The following MMP16 variants were observed in gnomAD, a reference collection of about 807,000 sequenced individuals.
MMP16 encodes matrix metallopeptidase 16, also known as matrix metalloproteinase-16.
Under a neutral mutation model 67.8 loss-of-function variants are expected in MMP16, and 12 were observed. The observed-to-expected ratio is 0.18, with a 90% CI of 0.11 to 0.29. The LOEUF is 0.29. Among genes scored for constraint, MMP16 ranks in the 10% least tolerant of loss-of-function variants. The probability of loss-of-function intolerance (pLI) is 1.00; values close to 1 mark genes in which losing one functional copy is unlikely to be tolerated. For missense variants in MMP16, 475 were observed against 765.7 expected, an observed-to-expected ratio of 0.62 and a Z score of 4.48; for synonymous variants, 249 against 255.9, an observed-to-expected ratio of 0.97 and a Z score of 0.26.
intron 7 of MMP16, among the ~76,000 whole-genome samples, chr8:88,064,162 A>C (rs943148911): frequency 6.6e-6 from 1 of 152,094 alleles, no homozygotes; most frequent in African/African-American, 2.4e-5. Context: ...TTCAGTAGTT[A>C]ATGACAGAGT....
At chr8:88,209,694 G>A (rs146214940) in intron 1 of MMP16, among the ~76,000 whole-genome samples, 1,623 of 132,838 alleles carry the variant, frequency 0.012, 15 homozygotes, top group Non-Finnish European at 0.014. Flanking sequence ...TATGTAACTC[G>A]TATAAGTAGA....
At chr8:88,149,974 G>C (rs1808374488) in intron 4 of MMP16, among the ~76,000 whole-genome samples, 1 of 96,158 alleles carries the variant, frequency 1.0e-5, no homozygotes, top group Non-Finnish European at 2.1e-5. Context: ...AAAAAATTTA[G>C]AAGAATGTAT....
chr8:88,088,720 G>A (rs1438724871), intron 6 of MMP16, among the ~76,000 whole-genome samples: 1 of 152,002 alleles, frequency 6.6e-6, no homozygotes, highest in Non-Finnish European at 1.5e-5. Flanking sequence ...GAGTTCAAAA[G>A]GTAACTGCCC....
At chr8:88,103,132 T>C (rs976912999) in intron 6 of MMP16, among the ~76,000 whole-genome samples, 28 of 151,882 alleles carry the variant, frequency 1.8e-4, no homozygotes, top group African/African-American at 6.5e-4. Flanking sequence ...CCTTTCCCAG[T>C]GCACCATATC....
intron 1 of MMP16, among the ~76,000 whole-genome samples, chr8:88,294,524 ATAT>A (rs1436699976): frequency 2.6e-5 from 4 of 151,048 alleles, no homozygotes; most frequent in Non-Finnish European, 4.4e-5. Context: ...ACACACATGT[ATAT>A]GTCTCTATAC....
At chr8:88,290,349 G>A (rs549123238) in intron 1 of MMP16, among the ~76,000 whole-genome samples, 155 of 152,048 alleles carry the variant, frequency 1.0e-3, no homozygotes, top group Non-Finnish European at 1.8e-3. Context: ...TCAGGAGGTC[G>A]AGGCCATCCT....
intron 7 of MMP16, among the ~76,000 whole-genome samples, chr8:88,067,347 GTCA>G (rs1475255436): frequency 1.3e-5 from 2 of 151,986 alleles, no homozygotes; most frequent in Non-Finnish European, 2.9e-5. Flanking sequence ...TACTACCTAT[GTCA>G]TCAGTATATT....
At chr8:88,226,997 TTTC>T (rs1196148951) in intron 1 of MMP16, among the ~76,000 whole-genome samples, 14 of 152,058 alleles carry the variant, frequency 9.2e-5, no homozygotes, top group African/African-American at 1.4e-4. Flanking sequence ...CTGGATATTG[TTTC>T]TTCTTCTTCT....
intron 1 of MMP16, among the ~76,000 whole-genome samples, chr8:88,290,387 C>A (rs1230144036): frequency 2.0e-5 from 3 of 151,950 alleles, no homozygotes; most frequent in Non-Finnish European, 4.4e-5. Flanking sequence ...CCCGTCTCTA[C>A]TAAAAAATAC....
At chr8:88,325,423 CACTT>C (rs937250460) in intron 1 of MMP16, among the ~76,000 whole-genome samples, 4 of 152,072 alleles carry the variant, frequency 2.6e-5, no homozygotes, top group African/African-American at 9.7e-5. Flanking sequence ...CACAACCTTG[CACTT>C]ACTTTTACCA....
In MMP16 at chr8:88,089,997, T is replaced by C. The variant is rs1162155776; in HGVS notation, c.1084-15254A>G. ...ATAACAGTGAAAAGTTCAAATGTAATTGAGAATATGTAATTTTCCCTGTAT... is the reference window on the plus strand; with the variant it reads ...ATAACAGTGAAAAGTTCAAATGTAACTGAGAATATGTAATTTTCCCTGTAT... On this transcript the variant is annotated intron_variant, in intron 6 of 9. Transcript: ENST00000286614. Among the ~76,000 whole-genome samples the C allele has an allele frequency of 2.6e-5, 4 of 152,004 alleles. No individual in the cohort carries two copies. In the South Asian group the frequency reaches 6.2e-4, roughly 24 times the overall value.
chr8:88,246,489 GT>G (rs1440858582), intron 1 of MMP16, among the ~76,000 whole-genome samples: 3 of 152,126 alleles, frequency 2.0e-5, no homozygotes, highest in Non-Finnish European at 2.9e-5. Context: ...TATTAAGATG[GT>G]TGAAAAGATG....
At chr8:88,051,014 A>G (rs1808263675) in intron 8 of MMP16, among the ~76,000 whole-genome samples, 1 of 152,206 alleles carries the variant, frequency 6.6e-6, no homozygotes, top group Admixed American at 6.5e-5. Context: ...AGATAATGCA[A>G]AACAATAATT....
chr8:88,164,961 G>C (rs2129693448), intron 4 of MMP16, among the ~76,000 whole-genome samples: 1 of 151,800 alleles, frequency 6.6e-6, no homozygotes, highest in African/African-American at 2.4e-5. Context: ...TCTAAGCACT[G>C]ATCACACTCA....
rs181824510 is a variant in MMP16 at position 88,045,614 on chromosome 8, C to A, written c.1489+1055G>T. 9.9e-5 allele frequency among the ~76,000 whole-genome samples: 15 copies of A among 152,202 alleles called. No individual in the cohort carries two copies. In the East Asian group the frequency reaches 2.7e-3, roughly 27 times the overall value. Reference sequence around the variant, plus strand: ...GTCCCAAACTCAGGTAATCTACCCACCTCAGCCTCCCAGGTGTGAGCCCCC... The same window carrying A: ...GTCCCAAACTCAGGTAATCTACCCAACTCAGCCTCCCAGGTGTGAGCCCCC... On this transcript the variant is annotated intron_variant, in intron 9 of 9. Transcript: ENST00000286614.
chr8:88,259,010 T>C (rs567240631), intron 1 of MMP16, among the ~76,000 whole-genome samples: 42 of 152,354 alleles, frequency 2.8e-4, no homozygotes, highest in African/African-American at 9.9e-4. Context: ...GCATGCCTCC[T>C]GCCTGCCTTC....
chr8:88,216,249 C>T (rs1184979252), intron 1 of MMP16, among the ~76,000 whole-genome samples: 2 of 152,066 alleles, frequency 1.3e-5, no homozygotes, highest in African/African-American at 4.8e-5. Flanking sequence ...AAAAGTTCTT[C>T]ATGACAGTTT....
intron 4 of MMP16, among the ~76,000 whole-genome samples, chr8:88,123,424 GA>G (rs1347026464): frequency 2.0e-5 from 3 of 151,224 alleles, no homozygotes; most frequent in African/African-American, 7.3e-5. Context: ...TTTCAAATCT[GA>G]AAAACTTGAT....
intron 1 of MMP16, among the ~76,000 whole-genome samples, chr8:88,258,904 A>G (rs1810345533): frequency 6.6e-6 from 1 of 152,226 alleles, no homozygotes; most frequent in Non-Finnish European, 1.5e-5. Context: ...TTGCATAGCC[A>G]TGATTCAGAG....
Sources: gnomAD v4.1 joint callset for allele counts (sites outside exome capture counted in the v4.1 genomes callset) on GRCh38, gnomAD v4.1.1 for gene constraint, MANE v1.5 for transcripts, NCBI Gene and HGNC (gene_info 2026-07-23, HGNC 2026-07-21) for gene names.